CFAP58: variants seen among roughly 807,000 people sequenced by gnomAD.
The protein encoded by CFAP58 is cilia and flagella associated protein 58.
A neutral mutation model predicts 119.5 loss-of-function variants in CFAP58; 88 were observed. The observed-to-expected ratio is 0.74, with a 90% CI of 0.62 to 0.88. The LOEUF is 0.88. Ranked by LOEUF, CFAP58 falls within the 40% of genes least tolerant of loss-of-function variation. CFAP58 has a pLI of 0.00. For missense variants in CFAP58, 990 were observed against 1,021.2 expected (o/e 0.97, Z 0.42); for synonymous variants, 365 against 366.3 (o/e 1.00, Z 0.04).
chr10:104,436,458 C>T (rs1480298069), intron 15 of CFAP58, among the ~76,000 whole-genome samples: 5 of 152,098 alleles, frequency 3.3e-5, no homozygotes, highest in South Asian at 2.1e-4. Context: ...GGAAGCATGG[C>T]GCTGGCATCT....
chr10:104,358,018 T>TAC (rs1317099024), intron 1 of CFAP58, among the ~76,000 whole-genome samples: 11 of 128,528 alleles, frequency 8.6e-5, no homozygotes, highest in African/African-American at 2.4e-4. Context: ...CACATATATG[T>TAC]ACATATATAT....
intron 3 of CFAP58, 33 bp from the exon 4 acceptor site, chr10:104,364,700 A>T (rs763474939): frequency 3.1e-6 from 5 of 1,608,962 alleles, no homozygotes; most frequent in Non-Finnish European, 4.2e-6. Flanking sequence ...GCAGATGGCC[A>T]TTTAGTCTGA....
chr10:104,364,705 G>C (rs777999320), intron 3 of CFAP58, 28 bp from the exon 4 acceptor site: 1 of 1,610,226 alleles, frequency 6.2e-7, no homozygotes, highest in Non-Finnish European at 8.5e-7. Context: ...TGGCCATTTA[G>C]TCTGACTCCT....
In CFAP58 at chr10:104,366,026, C is replaced by A. The variant is rs774381414; in HGVS notation, c.792+18C>A. The A allele has an allele frequency of 3.2e-6, 5 of 1,544,000 alleles. No individual in the cohort carries two copies. Among genetic ancestry groups the A allele is most frequent in the Non-Finnish European group, 3.5e-6 (4 of 1,149,952 alleles). On this transcript the variant is annotated intron_variant, in intron 5 of 17. Transcript: ENST00000369704. ...AGCAGAAGGTGAGTTGGGTGTGGGT[C>A]TTCGCAAAAAACCAAGAAAAACCCA...
chr10:104,360,048 A>G (rs1426717546), intron 2 of CFAP58, among the ~76,000 whole-genome samples: 2 of 152,230 alleles, frequency 1.3e-5, no homozygotes, highest in Admixed American at 6.5e-5. Context: ...ACCCAAGAGT[A>G]ATCTGTCTAA....
At chr10:104,442,610 T>C (rs2013057000) in intron 15 of CFAP58, among the ~76,000 whole-genome samples, 1 of 151,732 alleles carries the variant, frequency 6.6e-6, no homozygotes, top group East Asian at 1.9e-4. Context: ...AAAAAAGTTA[T>C]GCTTACATTT....
chr10:104,357,840 CATATGTACACATATATACACAT>C lies in CFAP58; in HGVS notation c.10-496_10-475del, dbSNP rs1564875481. Among the ~76,000 whole-genome samples the C allele has an allele frequency of 1.9e-3, 134 of 71,144 alleles. 6 individuals carry two copies. The highest frequency in any genetic ancestry group is 7.7e-3 in the African/African-American group (121 of 15,768). The allele number at this position is 71,144 out of a possible 152,430, so 46.7% of individuals were successfully genotyped here. A position where few individuals can be genotyped will look rare whatever the true frequency, so the allele number is the denominator to read the frequency against. On this transcript the variant is annotated intron_variant, in intron 1 of 17. Transcript: ENST00000369704. Reference sequence around the variant, plus strand: ...GTACATATATACACATATATGTACACATATGTACACATATATACACATATATACACATATATGTACACATATA... The same window carrying C: ...GTACATATATACACATATATGTACACATATACACATATATGTACACATATA...
intron 9 of CFAP58, among the ~76,000 whole-genome samples, chr10:104,384,865 G>C (rs2011890666): frequency 6.6e-6 from 1 of 152,162 alleles, no homozygotes; most frequent in Admixed American, 6.5e-5. Flanking sequence ...AGTGGGTGGT[G>C]AGCAGGAAAT....
At chr10:104,437,374 A>G (rs2012951844) in intron 15 of CFAP58, among the ~76,000 whole-genome samples, 1 of 152,176 alleles carries the variant, frequency 6.6e-6, no homozygotes, top group South Asian at 2.1e-4. Flanking sequence ...TTAACAAACG[A>G]GCTTGCCATT....
intron 1 of CFAP58, among the ~76,000 whole-genome samples, chr10:104,358,112 C>G (rs1188835216): frequency 1.3e-5 from 2 of 149,826 alleles, no homozygotes; most frequent in Non-Finnish European, 3.0e-5. Context: ...CATATATACA[C>G]ATATATATGT....
intron 9 of CFAP58, chr10:104,382,118 C>A (rs1310075044): frequency 2.8e-6 from 2 of 717,386 alleles, no homozygotes; most frequent in South Asian, 3.0e-5. Flanking sequence ...TTGTCCTCTT[C>A]TTTCCAGGCT....
chr10:104,352,063 G>C (rs2014466429), upstream of CFAP58: 2 of 152,214 alleles, frequency 1.3e-5, no homozygotes, highest in African/African-American at 2.4e-5. Context: ...AGTAGTTAGA[G>C]AAGTGAAAAT....
chr10:104,451,057 A>G (rs2013188038), intron 17 of CFAP58, among the ~76,000 whole-genome samples: 1 of 152,132 alleles, frequency 6.6e-6, no homozygotes, highest in South Asian at 2.1e-4. Context: ...CAGGGTGAAA[A>G]TCGGGGCCCA....
rs553078103 is a variant in CFAP58 at position 104,426,811 on chromosome 10, C to G, written c.2256+20018C>G. On this transcript the variant is annotated intron_variant, in intron 15 of 17. Coordinates refer to ENST00000369704, the MANE Select transcript of CFAP58 (RefSeq NM_001008723.2). ...CAACCTATCATACTAAATAGCTTCT[C>G]AGTTAATTTTCTGGGGTTTCTAGGT... 9.8e-5 allele frequency among the ~76,000 whole-genome samples: 15 copies of G among 152,288 alleles called. No homozygotes were observed. In the South Asian group the frequency reaches 2.7e-3, roughly 27 times the overall value.
chr10:104,420,386 C>G (rs552801557), intron 15 of CFAP58, among the ~76,000 whole-genome samples: 7 of 152,292 alleles, frequency 4.6e-5, no homozygotes, highest in Admixed American at 2.0e-4. Context: ...CCGGTTTATA[C>G]CTTAAACTGT....
At chr10:104,447,321 A>G (rs1002114136) in intron 15 of CFAP58, among the ~76,000 whole-genome samples, 2 of 151,810 alleles carry the variant, frequency 1.3e-5, no homozygotes, top group African/African-American at 4.8e-5. Flanking sequence ...CCAGGCTATT[A>G]TATTTCTTGA....
chr10:104,393,109 A>T (rs112153048), intron 10 of CFAP58, among the ~76,000 whole-genome samples: 18 of 152,176 alleles, frequency 1.2e-4, no homozygotes, highest in African/African-American at 3.9e-4. Flanking sequence ...TTCATTATGC[A>T]TATTTTGTGT....
rs908914518 is a variant in CFAP58 at position 104,358,518 on chromosome 10, A to G, written c.187A>G (p.Lys63Glu). ...SYDNEKRLMA[K>E]CRELNAEIVV... Reference sequence around the variant, plus strand: ...TGACAATGAAAAGCGTCTGATGGCCAAATGCAGAGAGCTAAATGCAGAGAT... The same window carrying G: ...TGACAATGAAAAGCGTCTGATGGCCGAATGCAGAGAGCTAAATGCAGAGAT... The change falls in exon 2 of 18, where the codon AAA becomes GAA. Residue 63 changes from lysine to glutamate, a missense_variant. Lys to Glu is a moderately conservative substitution (Grantham distance 56, BLOSUM62 1). Coordinates refer to ENST00000369704, the MANE Select transcript of CFAP58 (RefSeq NM_001008723.2). The G allele has an allele frequency of 1.9e-6, 3 of 1,614,188 alleles. No individual in the cohort carries two copies. The highest frequency in any genetic ancestry group is 3.3e-5 in the Admixed American group (2 of 60,026).
chr10:104,379,152 A>G (rs548184656), intron 8 of CFAP58, among the ~76,000 whole-genome samples: 9 of 151,822 alleles, frequency 5.9e-5, no homozygotes, highest in Admixed American at 2.0e-4. Context: ...CCCTGTACCT[A>G]TTCAGCAGCC....
Sources: gnomAD v4.1 joint callset for allele counts (sites outside exome capture counted in the v4.1 genomes callset) on GRCh38, gnomAD v4.1.1 for gene constraint, MANE v1.5 for transcripts, NCBI Gene and HGNC (gene_info 2026-07-23, HGNC 2026-07-21) for gene names.